Variants in PCM1 observed in about 807,000 individuals in gnomAD.
PCM1 encodes the protein pericentriolar material 1.
Under a neutral mutation model 241.9 loss-of-function variants are expected in PCM1, and 157 were observed. The observed-to-expected ratio is 0.65, with a 90% CI of 0.57 to 0.74. The LOEUF is 0.74. PCM1 is among the 30% of genes least tolerant of loss of function. The pLI, the probability that PCM1 is intolerant of heterozygous loss-of-function variation, is 0.00. For missense variants in PCM1, 3,478 were observed against 2,360.1 expected, an observed-to-expected ratio of 1.47 and a Z score of -9.81; for synonymous variants, 1,085 against 784.9, an observed-to-expected ratio of 1.38 and a Z score of -6.39.
intron 8 of PCM1, among the ~76,000 whole-genome samples, 153 bp downstream of exon 8, chr8:17,950,877 G>A (rs1442695884): frequency 2.6e-5 from 4 of 152,216 alleles, no homozygotes; most frequent in African/African-American, 9.6e-5. Flanking sequence ...TCAAAATTAC[G>A]ATTCATGGAT....
At chr8:17,994,539 T>A (rs538413528) in intron 29 of PCM1, among the ~76,000 whole-genome samples, 23 of 152,328 alleles carry the variant, frequency 1.5e-4, no homozygotes, top group Non-Finnish European at 2.2e-4. Context: ...TTTTCTTTTC[T>A]GTATATACCC....
chr8:17,977,073 G>A (rs2079028699), intron 23 of PCM1, among the ~76,000 whole-genome samples: 3 of 151,980 alleles, frequency 2.0e-5, no homozygotes, highest in Non-Finnish European at 4.4e-5. Flanking sequence ...TACAGTAACA[G>A]CATTTAAATG....
At chr8:18,008,347 C>T (rs115606635) in intron 30 of PCM1, among the ~76,000 whole-genome samples, 68 of 152,058 alleles carry the variant, frequency 4.5e-4, no homozygotes, top group African/African-American at 1.6e-3. Flanking sequence ...CTCCCATCAC[C>T]CCCATATGAG....
chr8:17,952,977 C>T lies in PCM1; in HGVS notation c.1079C>T (p.Ala360Val). Reference sequence around the variant, plus strand: ...TTGTTTTTTTTTAATAAGCCTCCAGCTGTTCCAGACAATAGAAGACAGGCA... The same window carrying T: ...TTGTTTTTTTTTAATAAGCCTCCAGTTGTTCCAGACAATAGAAGACAGGCA... Reference protein sequence around the residue: ...HNQLRDSQPPAVPDNRRQAES... With the variant: ...HNQLRDSQPPVVPDNRRQAES... Residue 360 changes from alanine to valine, a missense_variant, in exon 9 of 39, where the codon GCT becomes GTT. Transcript: ENST00000325083. 1 of 1,563,218 alleles carries T rather than the reference C, an allele frequency of 6.4e-7. No individual in the cohort carries two copies. The highest frequency in any genetic ancestry group is 1.7e-4 in the Middle Eastern group (1 of 5,856).
rs555878700 is a variant in PCM1, at chr8:17,930,297, G to T, written c.-22-5292G>T. Among the ~76,000 whole-genome samples the T allele has an allele frequency of 2.4e-3, 366 of 151,618 alleles. 2 individuals are homozygous for T. Among genetic ancestry groups the T allele is most frequent in the Non-Finnish European group, 3.0e-3 (204 of 67,876 alleles). On this transcript the variant is annotated intron_variant, in intron 2 of 38. Transcript: ENST00000325083. ...TTGTATTTTTAGTAGAGGTGACAGG[G>T]TTTCACCGTGTTAGCCAGGATGGTC...
At position 17,993,537 on chromosome 8, in the gene PCM1, C is replaced by G; in HGVS notation, c.4745C>G (p.Thr1582Ser). 1 of 1,593,094 alleles carries G rather than the reference C, an allele frequency of 6.3e-7. No individual in the cohort carries two copies. Among genetic ancestry groups the G allele is most frequent in the Non-Finnish European group, 8.6e-7 (1 of 1,168,898 alleles). ...CAACAACCTGTAAGTGAAGTTTCTA[C>G]CATCCCATGTCCTAGAATTGATACT... ...SSQQPVSEVS[T>S]IPCPRIDTQQ... The change falls in exon 29 of 39, where the codon ACC becomes AGC. Residue 1582 changes from threonine to serine, a missense_variant. Thr to Ser is a moderately conservative substitution (Grantham distance 58). Coordinates refer to ENST00000325083, the MANE Select transcript of PCM1 (RefSeq NM_006197.4).
intron 9 of PCM1, among the ~76,000 whole-genome samples, chr8:17,953,481 A>G (rs2066836570): frequency 6.6e-6 from 1 of 152,208 alleles, no homozygotes; most frequent in Non-Finnish European, 1.5e-5. Context: ...ATACGTGGAC[A>G]TATTAATACT....
intron 7 of PCM1, among the ~76,000 whole-genome samples, chr8:17,949,630 T>G (rs1443691639): frequency 6.6e-6 from 1 of 151,878 alleles, no homozygotes; most frequent in East Asian, 1.9e-4. Flanking sequence ...CCTGAATAGC[T>G]AGGAATACAG....
rs2083668357 is a variant in PCM1 at position 17,989,264 on chromosome 8, G to C, written c.4411-595G>C. 2.0e-5 allele frequency among the ~76,000 whole-genome samples: 3 copies of C among 152,040 alleles called. No individual in the cohort carries two copies. The South Asian group carries it at 6.2e-4, about 32-fold the overall frequency. ...ACTGATCTACAGTGATAGAAATCAT[G>C]AGTAGGGTGTGGTGGAGATTGACTG... On this transcript the variant is annotated intron_variant, in intron 26 of 38. Transcript: ENST00000325083.
At position 17,939,839 on chromosome 8, in the gene PCM1, T is replaced by G; in HGVS notation, c.761T>G (p.Met254Arg). 6.6e-7 allele frequency: 1 copy of G among 1,506,816 alleles called. No homozygotes were observed. The highest frequency in any genetic ancestry group is 1.3e-5 in the South Asian group (1 of 79,968). 93.3% of individuals were successfully genotyped at this position (1,506,816 alleles called of 1,614,324 possible). A position where few individuals can be genotyped will look rare whatever the true frequency, so the allele number is the denominator to read the frequency against. Reference protein sequence around the residue: ...DHLKEQEKSYMKFLKKILARD... With the variant: ...DHLKEQEKSYRKFLKKILARD... ...CTTAAAGAACAAGAGAAGTCATATA[T>G]GAAATTTCTTAAAAAAATCCTTGTA... The change falls in exon 6 of 39, where the codon ATG becomes AGG. Residue 254 changes from methionine (M) to arginine (R), a missense_variant. Physicochemically the swap from Met to Arg is moderately conservative, Grantham distance 91. Transcript: ENST00000325083.
At chr8:17,942,996 C>CA (rs5889754) in intron 6 of PCM1, among the ~76,000 whole-genome samples, 377 of 123,114 alleles carry the variant, frequency 3.1e-3, no homozygotes, top group African/African-American at 4.7e-3. Context: ...GACTCTGTCT[C>CA]AAAAAAAAAA....
In PCM1 at chr8:17,967,012, A is replaced by G. The variant is rs747453012; in HGVS notation, c.3254A>G (p.Gln1085Arg). 2 of 1,608,460 alleles carry G rather than the reference A, an allele frequency of 1.2e-6. No individual in the cohort carries two copies. Among genetic ancestry groups the G allele is most frequent in the Admixed American group, 1.7e-5 (1 of 59,228 alleles). The change falls in exon 21 of 39, where the codon CAG becomes CGG. Residue 1085 changes from glutamine to arginine, a missense_variant. By Grantham distance (43) the Gln-to-Arg change is conservative. Transcript: ENST00000325083. Reference sequence around the variant, plus strand: ...CAAATGCTAAATGAACTTATGCGCCAGCAAAATCAGCATCCAGAAAAACCT... The same window carrying G: ...CAAATGCTAAATGAACTTATGCGCCGGCAAAATCAGCATCCAGAAAAACCT... ...LKQMLNELMR[Q>R]QNQHPEKPGG...
At chr8:17,960,224 A>T in intron 14 of PCM1, 59 bp downstream of exon 14, 1 of 1,554,642 alleles carries the variant, frequency 6.4e-7, no homozygotes, top group East Asian at 2.3e-5. Context: ...TGTTTTGGAG[A>T]AGGTGCTCAG....
chr8:17,957,451 T>C (rs1246781730), intron 12 of PCM1, 30 bp downstream of exon 12: 1 of 1,609,348 alleles, frequency 6.2e-7, no homozygotes, highest in East Asian at 2.2e-5. Context: ...CATATAATTT[T>C]GCTGTGTTAT....
At chr8:18,021,620 C>T (rs1262796429) in intron 36 of PCM1, among the ~76,000 whole-genome samples, 2 of 152,188 alleles carry the variant, frequency 1.3e-5, no homozygotes, top group Non-Finnish European at 2.9e-5. Context: ...ATCAGATAAA[C>T]AGGATTTTCA....
rs150309834 is a variant in PCM1 at position 18,026,994 on chromosome 8, A to ATGAG, written c.6050-641_6050-638dup. On this transcript the variant is annotated intron_variant, in intron 38 of 38. Transcript: ENST00000325083. ...CAAGCGATAGTCTCAGATTTTCTGT[A>ATGAG]TGAGTCTAATAACACAGCTCTGGAG... Among the ~76,000 whole-genome samples the ATGAG allele has an allele frequency of 4.2e-3, 639 of 152,340 alleles. 3 individuals are homozygous for ATGAG. The highest frequency in any genetic ancestry group is 0.014 in the African/African-American group (587 of 41,580).
intron 27 of PCM1, among the ~76,000 whole-genome samples, chr8:17,990,292 AAAGGTCATCGTTT>A (rs2084097588): frequency 6.6e-6 from 1 of 152,056 alleles, no homozygotes. Flanking sequence ...TCCTTAAAGG[AAAGGTCATCGTTT>A]AAGGTCATCT....
At chr8:18,010,582 A>G (rs1564363452) in intron 31 of PCM1, 27 bp from the exon 32 acceptor site, 1 of 1,552,044 alleles carries the variant, frequency 6.4e-7, no homozygotes, top group South Asian at 1.2e-5. Flanking sequence ...ATGTTGCTAA[A>G]TTCTGTGTAA....
At chr8:17,958,057 T>G (rs997805517) in intron 13 of PCM1, among the ~76,000 whole-genome samples, 1 of 152,228 alleles carries the variant, frequency 6.6e-6, no homozygotes, top group African/African-American at 2.4e-5. Context: ...TGAGAATGAT[T>G]ATTTGCCAAT....
Sources: allele counts gnomAD v4.1 joint callset (sites outside exome capture counted in the v4.1 genomes callset), GRCh38; gene constraint gnomAD v4.1.1; transcripts MANE v1.5; gene names NCBI Gene and HGNC (gene_info 2026-07-23, HGNC 2026-07-21).